SEMA6A: variants seen among roughly 807,000 people sequenced by gnomAD.
The protein encoded by SEMA6A is semaphorin-6A.
A neutral mutation model predicts 96.8 loss-of-function variants in SEMA6A; 25 were observed. The ratio of observed to expected loss-of-function variants is 0.26; its 90% CI spans 0.19 to 0.36. The LOEUF (loss-of-function observed/expected upper bound fraction) is 0.36, where lower values mean the gene tolerates loss of function less well. Ranked by LOEUF, SEMA6A falls within the 10% of genes least tolerant of loss-of-function variation. The pLI is 1.00. For synonymous variants in SEMA6A, 612 were observed against 518.0 expected, an observed-to-expected ratio of 1.18 and a Z score of -2.46; for missense variants, 1,363 against 1,323.1, an observed-to-expected ratio of 1.03 and a Z score of -0.47.
At chr5:116,481,250 A>G (rs1001853460) in intron 11 of SEMA6A, among the ~76,000 whole-genome samples, 1 of 152,144 alleles carries the variant, frequency 6.6e-6, no homozygotes, top group Admixed American at 6.5e-5. Context: ...TACCAAGGAG[A>G]GGGTATTACA....
At chr5:116,563,717 TTC>T (rs1299816912) in intron 1 of SEMA6A, among the ~76,000 whole-genome samples, 1 of 152,206 alleles carries the variant, frequency 6.6e-6, no homozygotes, top group Non-Finnish European at 1.5e-5. Flanking sequence ...TTCAACAAAA[TTC>T]TTTTTAATGA....
At chr5:116,487,441 T>C (rs371759520) in intron 9 of SEMA6A, among the ~76,000 whole-genome samples, 25 of 152,130 alleles carry the variant, frequency 1.6e-4, no homozygotes, top group African/African-American at 6.0e-4. Flanking sequence ...TATTGCTTTT[T>C]GCAATAAAGA....
intron 1 of SEMA6A, among the ~76,000 whole-genome samples, chr5:116,510,619 G>T (rs1423817713): frequency 6.6e-6 from 1 of 151,480 alleles, no homozygotes; most frequent in Non-Finnish European, 1.5e-5. Flanking sequence ...AGCTTTTCTT[G>T]GACTCCTTAC....
At chr5:116,499,830 T>C (rs1757787102) in intron 3 of SEMA6A, among the ~76,000 whole-genome samples, 2 of 152,246 alleles carry the variant, frequency 1.3e-5, no homozygotes, top group South Asian at 4.1e-4. Context: ...GCTAGACTAA[T>C]GGTCACTTTT....
chr5:116,547,247 T>C (rs1284312598), intron 1 of SEMA6A, among the ~76,000 whole-genome samples: 1 of 152,222 alleles, frequency 6.6e-6, no homozygotes, highest in African/African-American at 2.4e-5. Flanking sequence ...AGGTATAGCA[T>C]TGATGTTGCT....
At chr5:116,505,801 GA>G (rs1758119104) in intron 1 of SEMA6A, among the ~76,000 whole-genome samples, 1 of 151,422 alleles carries the variant, frequency 6.6e-6, no homozygotes, top group Non-Finnish European at 1.5e-5. Flanking sequence ...TTTTCTTGAC[GA>G]AGCTCTTTAT....
At chr5:116,523,915 G>C (rs1396705800) in intron 1 of SEMA6A, among the ~76,000 whole-genome samples, 1 of 152,168 alleles carries the variant, frequency 6.6e-6, no homozygotes, top group East Asian at 1.9e-4. Context: ...CACAGCCAGG[G>C]ATAATTAGCC....
chr5:116,491,287 C>A (rs1176978710), intron 7 of SEMA6A, among the ~76,000 whole-genome samples: 3 of 152,162 alleles, frequency 2.0e-5, no homozygotes, highest in Non-Finnish European at 2.9e-5. Context: ...CCAGTCTCAT[C>A]ATGAGGTCGA....
At chr5:116,459,112 TGAACCCCACTGTTTTAACTAAAGAGA>T (rs879625994) in intron 18 of SEMA6A, among the ~76,000 whole-genome samples, 6 of 152,212 alleles carry the variant, frequency 3.9e-5, no homozygotes, top group African/African-American at 9.7e-5. Flanking sequence ...CGTGCTCAGC[TGAACCCCACTGTTTTAACTAAAGAGA>T]GGAAGAAGTC....
At chr5:116,543,285 C>T (rs932574947) in intron 1 of SEMA6A, among the ~76,000 whole-genome samples, 3 of 152,202 alleles carry the variant, frequency 2.0e-5, no homozygotes, top group Non-Finnish European at 4.4e-5. Flanking sequence ...CTCTCTCCTA[C>T]CTGGCCTGTG....
chr5:116,569,093 T>C (rs765029386), intron 1 of SEMA6A, among the ~76,000 whole-genome samples: 19 of 152,170 alleles, frequency 1.2e-4, no homozygotes, highest in African/African-American at 4.3e-4. Context: ...TATGTTCTAG[T>C]GGAAGACAGA....
chr5:116,548,015 C>G (rs928407534), intron 1 of SEMA6A, among the ~76,000 whole-genome samples: 8 of 152,106 alleles, frequency 5.3e-5, no homozygotes, highest in Admixed American at 6.5e-5. Context: ...TTGAAGACCA[C>G]CTATCCTATC....
rs1561458651 is a variant in SEMA6A, at chr5:116,447,243, C to CGTGA, written c.2459_2462dup (p.Gln822HisfsTer8). On this transcript the variant is annotated frameshift_variant, in exon 19 of 19. Coordinates refer to ENST00000343348, the MANE Select transcript of SEMA6A (RefSeq NM_020796.5). LOFTEE classifies it high-confidence loss of function. ...CGTACTCATGCTGGTAGCCCTGCTGCGTGATGGGCAGGACCACCACGCTGG... is the reference window on the plus strand; with the variant it reads ...CGTACTCATGCTGGTAGCCCTGCTGCGTGAGTGATGGGCAGGACCACCACGCTGG... The CGTGA allele has an allele frequency of 6.2e-7, 1 of 1,613,978 alleles. No homozygotes were observed. Among genetic ancestry groups the CGTGA allele is most frequent in the Non-Finnish European group, 8.5e-7 (1 of 1,179,896 alleles).
intron 17 of SEMA6A, chr5:116,471,751 C>G (rs1038920817): frequency 2.0e-5 from 3 of 152,162 alleles, no homozygotes; most frequent in African/African-American, 4.8e-5. Flanking sequence ...ATGTATAAGC[C>G]AGTCTTTAAG....
intron 1 of SEMA6A, chr5:116,562,908 A>T: frequency 1.7e-6 from 1 of 603,620 alleles, no homozygotes; most frequent in Non-Finnish European, 3.1e-6. Flanking sequence ...TCGGCCCTCG[A>T]GCCCTTGCCC....
In SEMA6A at chr5:116,447,150, A is replaced by G; in HGVS notation, c.2556T>C (p.Tyr852=). 6.2e-7 allele frequency: 1 copy of G among 1,613,852 alleles called. No individual in the cohort carries two copies. Residue 852 remains tyrosine, a synonymous_variant, in exon 19 of 19, where the codon TAT becomes TAC. Coordinates refer to ENST00000343348, the MANE Select transcript of SEMA6A (RefSeq NM_020796.5). ...TGCTGAGATGTTCCTTGATGGTCTT[A>G]TACTCCAGTGTGGCGGCCTGGTCCT... The part of the protein sequence containing the change: ...ALEDQAATLE[Y]KTIKEHLSSK...
At chr5:116,543,010 C>T (rs908215170) in intron 1 of SEMA6A, among the ~76,000 whole-genome samples, 1 of 152,138 alleles carries the variant, frequency 6.6e-6, no homozygotes, top group Admixed American at 6.5e-5. Flanking sequence ...TGAATACTCA[C>T]AGAGCTCAAA....
chr5:116,564,645 C>A (rs1179091715), intron 1 of SEMA6A, among the ~76,000 whole-genome samples: 1 of 152,148 alleles, frequency 6.6e-6, no homozygotes, highest in Non-Finnish European at 1.5e-5. Flanking sequence ...CCTTTCTTGA[C>A]CAAGTCACAC....
intron 1 of SEMA6A, among the ~76,000 whole-genome samples, chr5:116,568,330 G>A (rs1038470102): frequency 3.3e-5 from 5 of 152,180 alleles, no homozygotes; most frequent in African/African-American, 1.2e-4. Context: ...TGCAGCCACA[G>A]AGAAGTTAAG....
Sources: allele counts gnomAD v4.1 joint callset (sites outside exome capture counted in the v4.1 genomes callset), GRCh38; gene constraint gnomAD v4.1.1; transcripts MANE v1.5; gene names NCBI Gene and HGNC (gene_info 2026-07-23, HGNC 2026-07-21).